The following ALK variants were observed in gnomAD, a reference collection of about 807,000 sequenced individuals.
ALK encodes ALK receptor tyrosine kinase.
Under a neutral mutation model 163.1 loss-of-function variants are expected in ALK, and 74 were observed. That is an observed-to-expected ratio of 0.45 (90% CI 0.38 to 0.55). The LOEUF (loss-of-function observed/expected upper bound fraction) is 0.55. Among genes scored for constraint, ALK ranks in the 20% least tolerant of loss-of-function variants. ALK has a pLI of 0.00. For synonymous variants in ALK, 960 were observed against 843.2 expected, an observed-to-expected ratio of 1.14 and a Z score of -2.40; for missense variants, 2,063 against 2,105.3, an observed-to-expected ratio of 0.98 and a Z score of 0.39.
At chr2:29,262,239 C>CT (rs140107943) in intron 11 of ALK, among the ~76,000 whole-genome samples, 7,677 of 152,326 alleles carry the variant, frequency 0.05, 246 homozygotes, top group Non-Finnish European at 0.077. Context: ...GGCACATCAC[C>CT]TTCCCTCTTT....
At chr2:29,260,618 C>T (rs1276981169) in intron 11 of ALK, among the ~76,000 whole-genome samples, 1 of 152,072 alleles carries the variant, frequency 6.6e-6, no homozygotes, top group Admixed American at 6.5e-5. Context: ...AGGTGGATCA[C>T]CTGAGGTCAG....
At chr2:29,346,517 C>A (rs943652093) in intron 5 of ALK, among the ~76,000 whole-genome samples, 24 of 152,252 alleles carry the variant, frequency 1.6e-4, no homozygotes, top group African/African-American at 5.5e-4. Context: ...GAAATGCCCA[C>A]CAGGCTGGGG....
chr2:29,322,142 A>G (rs988473140), intron 6 of ALK, among the ~76,000 whole-genome samples: 6 of 152,244 alleles, frequency 3.9e-5, no homozygotes, highest in Non-Finnish European at 8.8e-5. Flanking sequence ...GAAGCTCTCT[A>G]GCTGAGACCC....
intron 1 of ALK, among the ~76,000 whole-genome samples, chr2:29,763,108 A>AG (rs1403221395): frequency 6.6e-6 from 1 of 150,980 alleles, no homozygotes; most frequent in African/African-American, 2.4e-5. Context: ...AAAAAAAAAA[A>AG]TAGGACTCTG....
At chr2:29,323,342 G>A (rs1328037310) in intron 6 of ALK, among the ~76,000 whole-genome samples, 3 of 152,198 alleles carry the variant, frequency 2.0e-5, no homozygotes, top group African/African-American at 7.2e-5. Context: ...CTCTGGAAAT[G>A]CTTGTTGGAG....
intron 5 of ALK, among the ~76,000 whole-genome samples, chr2:29,356,059 T>C (rs1311095492): frequency 6.6e-6 from 1 of 152,174 alleles, no homozygotes; most frequent in Non-Finnish European, 1.5e-5. Context: ...AGGCACTTGT[T>C]AGACACCTGC....
At chr2:29,639,476 T>A (rs145868147) in intron 3 of ALK, among the ~76,000 whole-genome samples, 3 of 152,246 alleles carry the variant, frequency 2.0e-5, no homozygotes, top group Admixed American at 2.0e-4. Flanking sequence ...CTTGCCACAT[T>A]CCACTAAGGA....
At chr2:29,679,234 T>A (rs924556145) in intron 3 of ALK, among the ~76,000 whole-genome samples, 35 of 151,864 alleles carry the variant, frequency 2.3e-4, no homozygotes, top group African/African-American at 8.2e-4. Flanking sequence ...TTACTTTCAA[T>A]CTATTTGAGT....
intron 1 of ALK, among the ~76,000 whole-genome samples, chr2:29,887,152 A>G (rs939717872): frequency 6.6e-6 from 1 of 152,094 alleles, no homozygotes; most frequent in African/African-American, 2.4e-5. Flanking sequence ...TAAATGCCAT[A>G]GTTACAAAAT....
At chr2:29,840,442 TCA>T (rs1665668970) in intron 1 of ALK, among the ~76,000 whole-genome samples, 1 of 152,218 alleles carries the variant, frequency 6.6e-6, no homozygotes, top group African/African-American at 2.4e-5. Context: ...AGTTCCCACT[TCA>T]GTCTAGTAAC....
chr2:29,827,044 C>T (rs1665222498), intron 1 of ALK, among the ~76,000 whole-genome samples: 1 of 152,208 alleles, frequency 6.6e-6, no homozygotes, highest in Admixed American at 6.5e-5. Flanking sequence ...CAGAGACTAA[C>T]AGAGATATCG....
At chr2:29,343,519 G>T (rs1195411481) in intron 5 of ALK, among the ~76,000 whole-genome samples, 4 of 152,130 alleles carry the variant, frequency 2.6e-5, no homozygotes. Flanking sequence ...CAGGCCACCT[G>T]AGTGATCTTA....
intron 1 of ALK, among the ~76,000 whole-genome samples, chr2:29,889,084 G>C (rs1667065949): frequency 1.3e-5 from 2 of 152,142 alleles, no homozygotes; most frequent in African/African-American, 4.8e-5. Context: ...GAACCAAAAA[G>C]TGACTTTGAA....
At chr2:29,247,719 T>G (rs982229318) in intron 12 of ALK, among the ~76,000 whole-genome samples, 1 of 152,100 alleles carries the variant, frequency 6.6e-6, no homozygotes, top group Non-Finnish European at 1.5e-5. Flanking sequence ...AGTTGGGGCT[T>G]GGTAGCATTC....
chr2:29,504,704 G>A (rs1421339355), intron 4 of ALK, among the ~76,000 whole-genome samples: 2 of 152,124 alleles, frequency 1.3e-5, no homozygotes, highest in Non-Finnish European at 2.9e-5. Context: ...AGAAATGAGA[G>A]AGACCTCGAG....
At chr2:29,314,793 C>T (rs1015184456) in intron 8 of ALK, among the ~76,000 whole-genome samples, 2 of 152,092 alleles carry the variant, frequency 1.3e-5, no homozygotes, top group Admixed American at 1.3e-4. Flanking sequence ...TCAAACCACA[C>T]GGGGCTTGTT....
intron 3 of ALK, among the ~76,000 whole-genome samples, chr2:29,663,391 G>A (rs775428466): frequency 2.0e-5 from 3 of 152,136 alleles, no homozygotes; most frequent in Non-Finnish European, 4.4e-5. Context: ...AAGATTGAAA[G>A]AAAATTCTTG....
At chr2:29,589,582 A>G (rs899938090) in intron 3 of ALK, among the ~76,000 whole-genome samples, 7 of 152,180 alleles carry the variant, frequency 4.6e-5, no homozygotes. Context: ...AGGGTTTGCT[A>G]TGACACACTC....
chr2:29,808,632 G>T (rs1160151319), intron 1 of ALK, among the ~76,000 whole-genome samples: 1 of 152,130 alleles, frequency 6.6e-6, no homozygotes, highest in Non-Finnish European at 1.5e-5. Context: ...CCAAATCCCT[G>T]CTGCTCTGAA....
Sources: gnomAD v4.1 joint callset for allele counts (sites outside exome capture counted in the v4.1 genomes callset) on GRCh38, gnomAD v4.1.1 for gene constraint, MANE v1.5 for transcripts, NCBI Gene and HGNC (gene_info 2026-07-23, HGNC 2026-07-21) for gene names.